MARVELD2: variants seen among roughly 807,000 people sequenced by gnomAD.
The protein encoded by MARVELD2 is MARVEL domain-containing protein 2.
MARVELD2 carries 49 observed loss-of-function variants against 57.6 expected under a neutral mutation model. The observed-to-expected ratio is 0.85, with a 90% CI of 0.68 to 1.08. The LOEUF (loss-of-function observed/expected upper bound fraction) is 1.08, where lower values mean the gene tolerates loss of function less well. MARVELD2 is among the 50% of genes least tolerant of loss of function. The pLI, the probability that MARVELD2 is intolerant of heterozygous loss-of-function variation, is 0.00. For synonymous variants in MARVELD2, 238 were observed against 258.8 expected, an observed-to-expected ratio of 0.92 and a Z score of 0.77; for missense variants, 606 against 701.1, an observed-to-expected ratio of 0.86 and a Z score of 1.53.
At chr5:69,427,601 T>C (rs1347984516) in intron 3 of MARVELD2, among the ~76,000 whole-genome samples, 2 of 152,208 alleles carry the variant, frequency 1.3e-5, no homozygotes, top group Non-Finnish European at 2.9e-5. Context: ...AAAAGTTTAA[T>C]AATTATATTC....
chr5:69,420,580 T>C (rs746674181), intron 2 of MARVELD2, 49 bp downstream of exon 2: 5 of 1,546,740 alleles, frequency 3.2e-6, no homozygotes, highest in Non-Finnish European at 3.5e-6. Context: ...TTGTTTTTTC[T>C]GTTATTTGCT....
At position 69,419,918 on chromosome 5, in the gene MARVELD2, A is replaced by G. The variant is rs767502678; in HGVS notation, c.533A>G (p.Glu178Gly). The G allele has an allele frequency of 1.2e-6, 2 of 1,614,074 alleles. No individual in the cohort carries two copies. The highest frequency in any genetic ancestry group is 1.7e-6 in the Non-Finnish European group (2 of 1,180,032). Residue 178 changes from glutamate to glycine, a missense_variant, in exon 2 of 7, where the codon GAG becomes GGG. Glu to Gly is a moderately conservative substitution (Grantham distance 98). Transcript: ENST00000325631. The stretch of plus-strand genomic sequence containing the variant: ...CGAACATACAGTGAGAAGGTGGAGG[A>G]GTATAACCTGAGATACTCCTACATG... Reference protein sequence around the residue: ...TVRTYSEKVEEYNLRYSYMKS... With the variant: ...TVRTYSEKVEGYNLRYSYMKS...
intron 3 of MARVELD2, among the ~76,000 whole-genome samples, chr5:69,427,717 A>G (rs979072919): frequency 6.6e-6 from 1 of 152,218 alleles, no homozygotes; most frequent in Non-Finnish European, 1.5e-5. Flanking sequence ...CATCAAGAGT[A>G]CTGTCTAAGA....
intron 2 of MARVELD2, among the ~76,000 whole-genome samples, chr5:69,420,853 A>G (rs1231984212): frequency 6.6e-6 from 1 of 152,208 alleles, no homozygotes; most frequent in Non-Finnish European, 1.5e-5. Flanking sequence ...GAATTTTTGC[A>G]AAGAAGAAGA....
chr5:69,440,716 A>T (rs1445856465), intron 6 of MARVELD2, among the ~76,000 whole-genome samples: 1 of 152,226 alleles, frequency 6.6e-6, no homozygotes, highest in Non-Finnish European at 1.5e-5. Context: ...ATGAGCATTG[A>T]TCAGGAATTC....
intron 3 of MARVELD2, among the ~76,000 whole-genome samples, chr5:69,426,060 A>G (rs986350427): frequency 6.6e-6 from 1 of 151,666 alleles, no homozygotes; most frequent in Non-Finnish European, 1.5e-5. Flanking sequence ...TTTTTTTTAA[A>G]GATGCCAAAT....
At chr5:69,427,778 C>A (rs369432939) in intron 3 of MARVELD2, among the ~76,000 whole-genome samples, 2 of 152,132 alleles carry the variant, frequency 1.3e-5, no homozygotes, top group African/African-American at 4.8e-5. Context: ...AAAAGCCTGA[C>A]GAAGATTTAA....
intron 2 of MARVELD2, among the ~76,000 whole-genome samples, chr5:69,424,245 C>CT (rs1179747128): frequency 6.6e-6 from 1 of 152,086 alleles, no homozygotes; most frequent in Non-Finnish European, 1.5e-5. Flanking sequence ...TGGCCTAGGG[C>CT]TTTTTTCTAT....
chr5:69,441,088 GA>G (rs971249972), intron 6 of MARVELD2, among the ~76,000 whole-genome samples: 35 of 147,684 alleles, frequency 2.4e-4, no homozygotes, highest in Admixed American at 7.4e-4. Flanking sequence ...GTCTCAAAAA[GA>G]AAAAAAAAAT....
At position 69,443,088 on chromosome 5, in the gene MARVELD2, CAA is replaced by C; in HGVS notation, c.*1436_*1437del. The stretch of plus-strand genomic sequence containing the variant: ...TCATGATCCACCCGCCTCAGCCTCC[CAA>C]AGTGTTGGGATTACAGGCGTGAGTC... On this transcript the variant is annotated 3_prime_UTR_variant, in exon 7 of 7. Coordinates refer to ENST00000325631, the MANE Select transcript of MARVELD2 (RefSeq NM_001038603.3). The C allele has an allele frequency of 6.6e-6, 1 of 152,326 alleles. No individual in the cohort carries two copies. The highest frequency in any genetic ancestry group is 2.4e-5 in the African/African-American group (1 of 41,482). 9.4% of individuals were successfully genotyped at this position (152,326 alleles called of 1,614,324 possible). A position where few individuals can be genotyped will look rare whatever the true frequency, so the allele number is the denominator to read the frequency against.
At position 69,419,573 on chromosome 5, in the gene MARVELD2, C is replaced by T. The variant is rs531073647; in HGVS notation, c.188C>T (p.Ser63Leu). The T allele has an allele frequency of 9.3e-5, 150 of 1,614,108 alleles. 2 individuals carry two copies. In the South Asian group the frequency reaches 1.6e-3, roughly 17 times the overall value. The part of the protein sequence containing the change: ...LQPPFGPDFY[S>L]SDTEEPAIAP... ...CCACCATTCGGCCCAGACTTCTACT[C>T]AAGTGACACAGAAGAACCAGCTATA... Residue 63 changes from serine (S) to leucine (L), a missense_variant, in exon 2 of 7, where the codon TCA (serine) becomes TTA (leucine). Physicochemically the swap from Ser to Leu is moderately radical, Grantham distance 145. Transcript: ENST00000325631.
At position 69,420,496 on chromosome 5, in the gene MARVELD2, G is replaced by A; in HGVS notation, c.1111G>A (p.Ala371Thr). ...VCLKLWRHEA[A>T]RRHREYMEQQ... is the part of the protein sequence containing the mutation. ...CCTAAAGTTATGGAGGCATGAGGCAGCTCGGAGACATAGAGAATATATGGA... is the reference window on the plus strand; with the variant it reads ...CCTAAAGTTATGGAGGCATGAGGCAACTCGGAGACATAGAGAATATATGGA... Residue 371 changes from alanine to threonine, a missense_variant, in exon 2 of 7, where the codon GCT becomes ACT. Physicochemically the swap from Ala to Thr is moderately conservative, Grantham distance 58. Transcript: ENST00000325631. 6.2e-7 allele frequency: 1 copy of A among 1,612,780 alleles called. No individual in the cohort carries two copies. The highest frequency in any genetic ancestry group is 8.5e-7 in the Non-Finnish European group (1 of 1,180,022).
chr5:69,440,488 G>GA lies in MARVELD2; in HGVS notation c.1550dup (p.Asn518GlufsTer2), dbSNP rs753107989. On this transcript the variant is annotated frameshift_variant, in exon 6 of 7. Coordinates refer to ENST00000325631, the MANE Select transcript of MARVELD2 (RefSeq NM_001038603.3). LOFTEE classifies it high-confidence loss of function. ...TTTCAAGAATCCATGAAGAGTTTAA[G>GA]AAAAAAAAGAATGTGAGTAAAACAG... 8.1e-5 allele frequency: 115 copies of GA among 1,428,520 alleles called. No individual in the cohort carries two copies. Among genetic ancestry groups the GA allele is most frequent in the Non-Finnish European group, 9.9e-5 (101 of 1,016,094 alleles). The allele number at this position is 1,428,520 out of a possible 1,614,324, so 88.5% of individuals were successfully genotyped here.
Position 69,438,167 on chromosome 5 carries a change from CTGAAAAATAGTCACA to C in MARVELD2, c.1504-2279_1504-2265del, listed in dbSNP as rs568179507. ...CTCCCACAGACATGGTTGTGCACCA[CTGAAAAATAGTCACA>C]TGACTTTTCTGAGCCCATAAAGTAG... On this transcript the variant is annotated intron_variant, in intron 5 of 6. Coordinates refer to ENST00000325631, the MANE Select transcript of MARVELD2 (RefSeq NM_001038603.3). 2.0e-5 allele frequency among the ~76,000 whole-genome samples: 3 copies of C among 152,258 alleles called. No individual in the cohort carries two copies. The South Asian group carries it at 6.2e-4, about 32-fold the overall frequency.
intron 5 of MARVELD2, among the ~76,000 whole-genome samples, chr5:69,437,075 G>C (rs1297344401): frequency 6.6e-6 from 1 of 151,672 alleles, no homozygotes; most frequent in Non-Finnish European, 1.5e-5. Context: ...TGTAATTCCA[G>C]CTACTCAGGA....
At position 69,433,098 on chromosome 5, in the gene MARVELD2, G is replaced by A. The variant is rs369705941; in HGVS notation, c.1503+5G>A. 14 of 1,506,890 alleles carry A rather than the reference G, an allele frequency of 9.3e-6. No homozygotes were observed. Among genetic ancestry groups the A allele is most frequent in the Non-Finnish European group, 1.3e-5 (14 of 1,111,418 alleles). 93.3% of individuals were successfully genotyped at this position (1,506,890 alleles called of 1,614,324 possible). A position where few individuals can be genotyped will look rare whatever the true frequency, so the allele number is the denominator to read the frequency against. ...CATCATTCGGAAAGCCGACAGGTTA[G>A]TATGTGCAGCTGCCTAGGAGGAGCA... On this transcript the variant is annotated splice_donor_5th_base_variant and intron_variant, in intron 5 of 6. Coordinates refer to ENST00000325631, the MANE Select transcript of MARVELD2 (RefSeq NM_001038603.3).
rs868257220 is a variant in MARVELD2, at chr5:69,444,006, C to A, written c.*2352C>A. 1.7e-4 allele frequency: 1 copy of A among 6,048 alleles called. No individual in the cohort carries two copies. The highest frequency in any genetic ancestry group is 4.2e-3 in the Non-Finnish European group (1 of 238). 0.4% of individuals were successfully genotyped at this position (6,048 alleles called of 1,614,324 possible). A position where few individuals can be genotyped will look rare whatever the true frequency, so the allele number is the denominator to read the frequency against. On this transcript the variant is annotated 3_prime_UTR_variant, in exon 7 of 7. Transcript: ENST00000325631. ...ATTTCACTTAAGAAGAGCACCAGTG[C>A]TTTAAAAAAAAAAAAAGGTAAAATA...
At chr5:69,425,447 G>A (rs7726426) in intron 3 of MARVELD2, among the ~76,000 whole-genome samples, 2,125 of 148,014 alleles carry the variant, frequency 0.014, 52 homozygotes, top group African/African-American at 0.05. Context: ...CTGTTACATC[G>A]AGTTCATATT....
intron 5 of MARVELD2, among the ~76,000 whole-genome samples, chr5:69,437,347 C>T (rs1192838800): frequency 6.8e-6 from 1 of 147,744 alleles, no homozygotes; most frequent in African/African-American, 2.5e-5. Context: ...CGCCATTGCA[C>T]TCCAGCCTGG....
Sources: gnomAD v4.1 joint callset for allele counts (sites outside exome capture counted in the v4.1 genomes callset) on GRCh38, gnomAD v4.1.1 for gene constraint, MANE v1.5 for transcripts, NCBI Gene and HGNC (gene_info 2026-07-23, HGNC 2026-07-21) for gene names.